UNC5D: variants seen among roughly 807,000 people sequenced by gnomAD.
The protein encoded by UNC5D is unc-5 netrin receptor D.
UNC5D carries 39 observed loss-of-function variants against 105.4 expected under a neutral mutation model. The ratio of observed to expected loss-of-function variants is 0.37; its 90% CI spans 0.29 to 0.48. The LOEUF is 0.48. UNC5D is among the 20% of genes least tolerant of loss of function. UNC5D has a pLI of 0.98. For synonymous variants in UNC5D, 452 were observed against 450.4 expected (o/e 1.00, Z -0.04); for missense variants, 991 against 1,202.4 (o/e 0.82, Z 2.60).
intron 8 of UNC5D, among the ~76,000 whole-genome samples, chr8:35,718,043 G>T (rs192882902): frequency 2.0e-5 from 3 of 151,822 alleles, no homozygotes; most frequent in Admixed American, 1.3e-4. Context: ...TGACTAATTT[G>T]GAATACAAGA....
At chr8:35,512,886 A>G (rs2006979397) in intron 1 of UNC5D, among the ~76,000 whole-genome samples, 1 of 151,842 alleles carries the variant, frequency 6.6e-6, no homozygotes, top group South Asian at 2.1e-4. Flanking sequence ...TCACTATATT[A>G]CCCAAACTGG....
rs775014566 is a variant in UNC5D at position 35,710,934 on chromosome 8, C to CTTTTTTTTTTTTTT, written c.1117+4982_1117+4995dup. ...GCCTCTTCAGTAGCTCAGCATTATT[C>CTTTTTTTTTTTTTT]TTTTTTTTTTTTTTTTTTTTTTGAG... is the stretch of plus-strand genomic sequence containing the variant. On this transcript the variant is annotated intron_variant, in intron 8 of 16. Transcript: ENST00000404895. Among the ~76,000 whole-genome samples the CTTTTTTTTTTTTTT allele has an allele frequency of 1.8e-4, 21 of 114,374 alleles. 2 individuals carry two copies. The highest frequency in any genetic ancestry group is 7.6e-4 in the African/African-American group (19 of 25,036). The allele number at this position is 114,374 out of a possible 152,430, so 75.0% of individuals were successfully genotyped here. A position where few individuals can be genotyped will look rare whatever the true frequency, so the allele number is the denominator to read the frequency against.
chr8:35,669,293 C>T (rs1824620339), intron 4 of UNC5D, among the ~76,000 whole-genome samples: 1 of 151,978 alleles, frequency 6.6e-6, no homozygotes, highest in Non-Finnish European at 1.5e-5. Flanking sequence ...CTTGTTCTCT[C>T]TTTTTCTCTT....
At chr8:35,397,536 C>T (rs1016773315) in intron 1 of UNC5D, among the ~76,000 whole-genome samples, 1 of 152,198 alleles carries the variant, frequency 6.6e-6, no homozygotes, top group African/African-American at 2.4e-5. Flanking sequence ...ACACACACAG[C>T]AGATGCTTCT....
At chr8:35,509,355 G>A (rs2130333255) in intron 1 of UNC5D, among the ~76,000 whole-genome samples, 1 of 151,174 alleles carries the variant, frequency 6.6e-6, no homozygotes, top group South Asian at 2.1e-4. Context: ...ATGGGATGTA[G>A]GGGTACATGC....
intron 9 of UNC5D, chr8:35,724,441 G>A: frequency 1.1e-6 from 1 of 880,818 alleles, no homozygotes. Context: ...TAAATAGAAT[G>A]CCATACACAG....
At chr8:35,362,329 T>C (rs2128918874) in intron 1 of UNC5D, among the ~76,000 whole-genome samples, 1 of 152,348 alleles carries the variant, frequency 6.6e-6, no homozygotes. Flanking sequence ...GCAAATGCAC[T>C]TCCTTACAAG....
chr8:35,555,651 C>A (rs759343840), intron 2 of UNC5D, among the ~76,000 whole-genome samples: 9 of 151,928 alleles, frequency 5.9e-5, no homozygotes, highest in East Asian at 3.9e-4. Flanking sequence ...CATGGTGAAA[C>A]CCTGTCTCTA....
At chr8:35,570,177 C>T (rs995971553) in intron 3 of UNC5D, among the ~76,000 whole-genome samples, 1 of 152,192 alleles carries the variant, frequency 6.6e-6, no homozygotes, top group African/African-American at 2.4e-5. Flanking sequence ...AAACGCTTTG[C>T]TCTTCTGCAT....
At chr8:35,366,761 T>A (rs1033720077) in intron 1 of UNC5D, among the ~76,000 whole-genome samples, 1 of 152,070 alleles carries the variant, frequency 6.6e-6, no homozygotes, top group Non-Finnish European at 1.5e-5. Flanking sequence ...TAATTGGAAA[T>A]GTATTGGAAA....
At chr8:35,370,860 A>T (rs1802392327) in intron 1 of UNC5D, among the ~76,000 whole-genome samples, 1 of 152,212 alleles carries the variant, frequency 6.6e-6, no homozygotes, top group Admixed American at 6.5e-5. Flanking sequence ...CCCATGGATA[A>T]TTTATATAGA....
At chr8:35,436,636 C>T (rs1807033407) in intron 1 of UNC5D, among the ~76,000 whole-genome samples, 1 of 151,600 alleles carries the variant, frequency 6.6e-6, no homozygotes, top group African/African-American at 2.4e-5. Context: ...TAGATTGTAT[C>T]TCCATATAAA....
chr8:35,562,331 T>C (rs1396065482), intron 2 of UNC5D, among the ~76,000 whole-genome samples: 3 of 152,184 alleles, frequency 2.0e-5, no homozygotes, highest in Non-Finnish European at 4.4e-5. Context: ...ATTTCCTTTT[T>C]AGGAGGATAT....
chr8:35,446,211 T>C (rs1014352428), intron 1 of UNC5D, among the ~76,000 whole-genome samples: 4 of 152,112 alleles, frequency 2.6e-5, no homozygotes, highest in South Asian at 2.1e-4. Context: ...AAAAATATTA[T>C]TGTAAATGAT....
intron 1 of UNC5D, among the ~76,000 whole-genome samples, chr8:35,396,655 G>A (rs6991051): frequency 0.049 from 7,493 of 151,864 alleles, 210 homozygotes; most frequent in African/African-American, 0.074. Flanking sequence ...GCGCCATCAC[G>A]CCCACCTAAT....
At chr8:35,601,914 G>A (rs1457481704) in intron 4 of UNC5D, among the ~76,000 whole-genome samples, 1 of 152,122 alleles carries the variant, frequency 6.6e-6, no homozygotes, top group East Asian at 1.9e-4. Context: ...TGTCCATTCA[G>A]TGTGATATTG....
intron 2 of UNC5D, among the ~76,000 whole-genome samples, chr8:35,559,266 C>G (rs1489835184): frequency 6.6e-6 from 1 of 152,176 alleles, no homozygotes; most frequent in Non-Finnish European, 1.5e-5. Context: ...ACCTAGTTAG[C>G]TGGTCATTTA....
chr8:35,521,563 A>C (rs1030771714), intron 1 of UNC5D, among the ~76,000 whole-genome samples: 1 of 152,208 alleles, frequency 6.6e-6, no homozygotes, highest in Non-Finnish European at 1.5e-5. Flanking sequence ...AAACAAAAAC[A>C]AAACAGGAGT....
At chr8:35,774,206 T>C (rs2131739551) in intron 15 of UNC5D, 93 bp from the exon 16 acceptor site, 1 of 1,426,812 alleles carries the variant, frequency 7.0e-7, no homozygotes, top group Non-Finnish European at 9.6e-7. Flanking sequence ...ATTTTGTGCA[T>C]GTGTGTTAAC....
Sources: allele counts gnomAD v4.1 joint callset (sites outside exome capture counted in the v4.1 genomes callset), GRCh38; gene constraint gnomAD v4.1.1; transcripts MANE v1.5; gene names NCBI Gene and HGNC (gene_info 2026-07-23, HGNC 2026-07-21).